MMRN1: variants seen among roughly 807,000 people sequenced by gnomAD.
The protein encoded by MMRN1 is multimerin 1, also known as multimerin-1.
MMRN1 carries 94 observed loss-of-function variants against 100.7 expected under a neutral mutation model. That is an observed-to-expected ratio of 0.93 (90% CI 0.79 to 1.11). MMRN1 has a LOEUF of 1.11. MMRN1 is among the 50% of genes least tolerant of loss of function. The pLI is 0.00. For missense variants in MMRN1, 1,606 were observed against 1,439.1 expected (o/e 1.12, Z -1.88); for synonymous variants, 575 against 505.0 (o/e 1.14, Z -1.86).
chr4:89,945,824 G>A (rs915513324), intron 6 of MMRN1, among the ~76,000 whole-genome samples: 2 of 152,076 alleles, frequency 1.3e-5, no homozygotes, highest in African/African-American at 4.8e-5. Flanking sequence ...ATGAAGGGTT[G>A]AGGAAAAAAG....
chr4:89,935,428 T>G lies in MMRN1; in HGVS notation c.1748T>G (p.Met583Arg). The G allele has an allele frequency of 6.2e-7, 1 of 1,613,480 alleles. No homozygotes were observed. The highest frequency in any genetic ancestry group is 8.5e-7 in the Non-Finnish European group (1 of 1,179,754). The stretch of plus-strand genomic sequence containing the variant: ...AACAATCTCACCGTCTCTTTGGAGA[T>G]GGAGAAAGAGTCTCTCAGAGGTGAA... ...KINNLTVSLE[M>R]EKESLRGECE... is the part of the protein sequence containing the mutation. Residue 583 changes from methionine to arginine, a missense_variant, in exon 6 of 8, where the codon ATG (methionine) becomes AGG (arginine). By Grantham distance (91) the Met-to-Arg change is moderately conservative. Coordinates refer to ENST00000264790, the MANE Select transcript of MMRN1 (RefSeq NM_007351.3).
chr4:89,945,254 C>T (rs1722952175), intron 6 of MMRN1, among the ~76,000 whole-genome samples: 1 of 151,984 alleles, frequency 6.6e-6, no homozygotes, highest in Non-Finnish European at 1.5e-5. Flanking sequence ...GTTGAAGGAT[C>T]TTTTTTTGGT....
chr4:89,919,068 T>A lies in MMRN1; in HGVS notation c.851-4100T>A, dbSNP rs557825013. Among the ~76,000 whole-genome samples, 3 of 151,774 alleles carry A rather than the reference T, an allele frequency of 2.0e-5. No homozygotes were observed. In the South Asian group the frequency reaches 6.2e-4, roughly 31 times the overall value. On this transcript the variant is annotated intron_variant, in intron 3 of 7. Transcript: ENST00000264790. ...AGAAGTTGTCTTACAAAAAGCAGTA[T>A]CATAAAACTCATTTGCAATGATATT...
rs1050713831 is a variant in MMRN1 at position 89,954,088 on chromosome 4, C to A, written c.*670C>A. ...TATGAGTGGATCATTTACCGCCCCC[C>A]GCCCCACAACATCTATAAGGGGCAA... On this transcript the variant is annotated 3_prime_UTR_variant, in exon 8 of 8. Coordinates refer to ENST00000264790, the MANE Select transcript of MMRN1 (RefSeq NM_007351.3). The A allele has an allele frequency of 6.6e-6, 1 of 152,126 alleles. No homozygotes were observed. Among genetic ancestry groups the A allele is most frequent in the South Asian group, 2.1e-4 (1 of 4,820 alleles). The allele number at this position is 152,126 out of a possible 1,614,324, so 9.4% of individuals were successfully genotyped here.
At chr4:89,893,205 A>C (rs1721093841), upstream of MMRN1, among the ~76,000 whole-genome samples, 1 of 151,968 alleles carries the variant, frequency 6.6e-6, no homozygotes, top group Non-Finnish European at 1.5e-5. Context: ...TCCTTTACTA[A>C]GGCAAGGTTT....
chr4:89,940,212 A>C (rs1722779417), intron 6 of MMRN1, among the ~76,000 whole-genome samples: 1 of 152,084 alleles, frequency 6.6e-6, no homozygotes, highest in African/African-American at 2.4e-5. Context: ...GCCCTTCCAA[A>C]AGCAGCTGAA....
At chr4:89,945,540 G>A (rs1722961843) in intron 6 of MMRN1, among the ~76,000 whole-genome samples, 1 of 152,086 alleles carries the variant, frequency 6.6e-6, no homozygotes, top group Admixed American at 6.5e-5. Context: ...ATATCTCACT[G>A]TGGTTTTGTT....
chr4:89,929,958 G>A (rs1722385411), intron 5 of MMRN1, among the ~76,000 whole-genome samples: 1 of 152,222 alleles, frequency 6.6e-6, no homozygotes. Context: ...GATACCTTAA[G>A]AGGTACCTAA....
At chr4:89,891,562 T>G (rs1721054750), upstream of MMRN1, among the ~76,000 whole-genome samples, 1 of 152,124 alleles carries the variant, frequency 6.6e-6, no homozygotes, top group Non-Finnish European at 1.5e-5. Flanking sequence ...ATGCCAAATT[T>G]AACTTACCTA....
chr4:89,903,013 T>A (rs1015214789), intron 1 of MMRN1, among the ~76,000 whole-genome samples: 5 of 151,884 alleles, frequency 3.3e-5, no homozygotes, highest in African/African-American at 1.2e-4. Context: ...GAAATAAATA[T>A]TGAGATGAAC....
intron 6 of MMRN1, among the ~76,000 whole-genome samples, chr4:89,948,233 C>A (rs1723049245): frequency 6.6e-6 from 1 of 152,144 alleles, no homozygotes; most frequent in Non-Finnish European, 1.5e-5. Context: ...CTTTAGTTGT[C>A]TGTTATAAGG....
intron 1 of MMRN1, among the ~76,000 whole-genome samples, chr4:89,889,831 T>C (rs563269726): frequency 6.6e-6 from 1 of 152,040 alleles, no homozygotes; most frequent in Admixed American, 6.6e-5. Flanking sequence ...CTTCTTCTAC[T>C]TGCAACGAAA....
At chr4:89,898,063 C>T (rs1268956012) in intron 1 of MMRN1, among the ~76,000 whole-genome samples, 1 of 152,074 alleles carries the variant, frequency 6.6e-6, no homozygotes, top group Non-Finnish European at 1.5e-5. Context: ...TACCAAGATT[C>T]CTTACTCATT....
chr4:89,936,086 C>A lies in MMRN1; in HGVS notation c.2406C>A (p.Val802=). ...AGAGATATAACTTTGTTTTGCAAGT[C>A]GCCAAGACCCTTGCAGGTATTCCCA... The part of the protein sequence containing the change: ...DNQRYNFVLQ[V]AKTLAGIPRD... The change falls in exon 6 of 8, where the codon GTC becomes GTA. Residue 802 remains valine, a synonymous_variant. Transcript: ENST00000264790. The A allele has an allele frequency of 6.2e-7, 1 of 1,611,754 alleles. No individual in the cohort carries two copies. Among genetic ancestry groups the A allele is most frequent in the South Asian group, 1.1e-5 (1 of 90,578 alleles).
At chr4:89,930,081 C>G (rs868057976) in intron 5 of MMRN1, among the ~76,000 whole-genome samples, 7 of 152,052 alleles carry the variant, frequency 4.6e-5, no homozygotes, top group Admixed American at 3.9e-4. Context: ...AAAGTGGAAG[C>G]ATATGAGTCA....
chr4:89,928,781 C>T (rs753999044), intron 5 of MMRN1, among the ~76,000 whole-genome samples: 12 of 152,158 alleles, frequency 7.9e-5, no homozygotes, highest in Admixed American at 1.3e-4. Flanking sequence ...GTTGGACCTA[C>T]CTGGATAATC....
chr4:89,903,061 T>C (rs1255640078), intron 1 of MMRN1, among the ~76,000 whole-genome samples: 1 of 151,930 alleles, frequency 6.6e-6, no homozygotes, highest in African/African-American at 2.4e-5. Flanking sequence ...AAATATCAAA[T>C]GTCTAATGCT....
chr4:89,902,550 G>A (rs1010719379), intron 1 of MMRN1, among the ~76,000 whole-genome samples: 1 of 151,764 alleles, frequency 6.6e-6, no homozygotes, highest in Admixed American at 6.6e-5. Context: ...CCATACATTC[G>A]GCTCGTTCTC....
chr4:89,902,667 C>G (rs1253630802), intron 1 of MMRN1, among the ~76,000 whole-genome samples: 1 of 151,834 alleles, frequency 6.6e-6, no homozygotes, highest in Admixed American at 6.6e-5. Flanking sequence ...CACACTGTTC[C>G]CACTACAGAA....
Sources: gnomAD v4.1 joint callset for allele counts (sites outside exome capture counted in the v4.1 genomes callset) on GRCh38, gnomAD v4.1.1 for gene constraint, MANE v1.5 for transcripts, NCBI Gene and HGNC (gene_info 2026-07-23, HGNC 2026-07-21) for gene names.